SPAG16: variants seen among roughly 807,000 people sequenced by gnomAD.
SPAG16 encodes sperm associated antigen 16.
SPAG16 carries 86 observed loss-of-function variants against 80.4 expected under a neutral mutation model. That is an observed-to-expected ratio of 1.07 (90% CI 0.90 to 1.28). SPAG16 has a LOEUF of 1.28. Ranked by LOEUF, SPAG16 falls within the 50% of genes most tolerant of loss-of-function variation. The probability of loss-of-function intolerance (pLI) is 0.00; values close to 1 mark genes in which losing one functional copy is unlikely to be tolerated. For synonymous variants in SPAG16, 294 were observed against 265.9 expected (o/e 1.11, Z -1.03); for missense variants, 870 against 765.3 (o/e 1.14, Z -1.61).
chr2:213,576,177 C>T (rs538380403), intron 10 of SPAG16, among the ~76,000 whole-genome samples: 31 of 152,010 alleles, frequency 2.0e-4, no homozygotes, highest in African/African-American at 5.3e-4. Context: ...TATTGAATAG[C>T]GAGTCCATTC....
intron 5 of SPAG16, among the ~76,000 whole-genome samples, chr2:213,337,487 A>G (rs1027521566): frequency 1.3e-5 from 2 of 152,212 alleles, no homozygotes; most frequent in African/African-American, 4.8e-5. Flanking sequence ...AAAACATTAC[A>G]GGAGCTGTTT....
chr2:213,592,533 T>C (rs7587811), intron 10 of SPAG16, among the ~76,000 whole-genome samples: 13,218 of 152,280 alleles, frequency 0.087, 1,436 homozygotes, highest in African/African-American at 0.25. Flanking sequence ...CCTGCCCTAC[T>C]GCCTGATATT....
intron 15 of SPAG16, among the ~76,000 whole-genome samples, chr2:214,268,699 T>C (rs1416791831): frequency 1.3e-5 from 2 of 151,772 alleles, no homozygotes; most frequent in Non-Finnish European, 3.0e-5. Context: ...AGAGAAATTA[T>C]GGTATGGCTT....
chr2:213,468,558 TAG>T (rs1306407605), intron 9 of SPAG16, among the ~76,000 whole-genome samples: 2 of 131,036 alleles, frequency 1.5e-5, no homozygotes, highest in Non-Finnish European at 3.0e-5. Context: ...TATTTATATA[TAG>T]AGATATATAT....
chr2:214,083,320 G>T (rs1383429056), intron 13 of SPAG16, among the ~76,000 whole-genome samples: 1 of 152,024 alleles, frequency 6.6e-6, no homozygotes, highest in Non-Finnish European at 1.5e-5. Context: ...AGAACCTGTG[G>T]GTATATGGAT....
At chr2:213,311,699 T>C (rs2126119995) in intron 4 of SPAG16, among the ~76,000 whole-genome samples, 1 of 151,768 alleles carries the variant, frequency 6.6e-6, no homozygotes, top group Non-Finnish European at 1.5e-5. Context: ...TTACATTGTA[T>C]TGAATACCTT....
At chr2:214,137,056 A>G (rs2055092286) in intron 14 of SPAG16, among the ~76,000 whole-genome samples, 1 of 152,158 alleles carries the variant, frequency 6.6e-6, no homozygotes, top group Non-Finnish European at 1.5e-5. Flanking sequence ...ACTGTGTGTG[A>G]TGTTTTGATT....
chr2:214,370,272 GT>G (rs1298732867), intron 15 of SPAG16, among the ~76,000 whole-genome samples: 1 of 152,004 alleles, frequency 6.6e-6, no homozygotes, highest in East Asian at 1.9e-4. Context: ...CAGTAGAGTT[GT>G]TTTTAGAAAA....
chr2:213,789,804 A>C (rs1477278979), intron 10 of SPAG16, among the ~76,000 whole-genome samples: 1 of 151,980 alleles, frequency 6.6e-6, no homozygotes, highest in Non-Finnish European at 1.5e-5. Context: ...TCAAACCCAA[A>C]ATATACTCAC....
chr2:214,022,759 G>A (rs1005681330), intron 13 of SPAG16, among the ~76,000 whole-genome samples: 1 of 151,934 alleles, frequency 6.6e-6, no homozygotes, highest in African/African-American at 2.4e-5. Context: ...TCTAACTCAA[G>A]AACTTGTGTC....
chr2:213,465,770 C>CT (rs2072652469), intron 9 of SPAG16, among the ~76,000 whole-genome samples: 1 of 152,220 alleles, frequency 6.6e-6, no homozygotes, highest in Non-Finnish European at 1.5e-5. Flanking sequence ...CCTTTAGCCA[C>CT]TAAATCAAGT....
At chr2:213,510,701 A>T (rs73988525) in intron 10 of SPAG16, among the ~76,000 whole-genome samples, 1 of 152,124 alleles carries the variant, frequency 6.6e-6, no homozygotes, top group South Asian at 2.1e-4. Flanking sequence ...TACAGGCATA[A>T]TTTTTTAATC....
At chr2:214,363,162 C>A (rs532864672) in intron 15 of SPAG16, among the ~76,000 whole-genome samples, 105 of 151,974 alleles carry the variant, frequency 6.9e-4, no homozygotes, top group Middle Eastern at 3.4e-3. Context: ...TTCTTCTGAA[C>A]ATATATTTCA....
chr2:213,355,433 G>C (rs1374164881), intron 7 of SPAG16, among the ~76,000 whole-genome samples: 1 of 152,178 alleles, frequency 6.6e-6, no homozygotes, highest in African/African-American at 2.4e-5. Context: ...GGAAGGCATT[G>C]AATCTATAAA....
intron 10 of SPAG16, chr2:213,758,192 C>G (rs184362591): frequency 6.5e-6 from 1 of 152,992 alleles, no homozygotes; most frequent in Non-Finnish European, 1.5e-5. Flanking sequence ...TAGCCTACAA[C>G]AGAATCCTCT....
chr2:213,344,160 A>C (rs1256723968), intron 6 of SPAG16, among the ~76,000 whole-genome samples: 1 of 152,130 alleles, frequency 6.6e-6, no homozygotes, highest in African/African-American at 2.4e-5. Flanking sequence ...TTCTTAAAAT[A>C]TCTTTCCCCA....
chr2:213,380,366 C>T (rs1366431652), intron 9 of SPAG16, among the ~76,000 whole-genome samples: 1 of 152,172 alleles, frequency 6.6e-6, no homozygotes, highest in African/African-American at 2.4e-5. Context: ...TCCTCTGTCA[C>T]CTGATCATAG....
chr2:213,932,177 TATATATATATATATATATATATTTGTTG>T (rs2078783917), intron 12 of SPAG16, among the ~76,000 whole-genome samples: 1 of 26,648 alleles, frequency 3.8e-5, no homozygotes, highest in Non-Finnish European at 1.7e-4. Context: ...TATATATATA[TATATATATATATATATATATATTTGTTG>T]TTGTTGTTGT....
intron 10 of SPAG16, among the ~76,000 whole-genome samples, chr2:213,616,642 C>T (rs975196488): frequency 6.6e-6 from 1 of 152,120 alleles, no homozygotes; most frequent in African/African-American, 2.4e-5. Flanking sequence ...GATCTCTGGC[C>T]CAAACTACTG....
Sources: gnomAD v4.1 joint callset for allele counts (sites outside exome capture counted in the v4.1 genomes callset) on GRCh38, gnomAD v4.1.1 for gene constraint, MANE v1.5 for transcripts, NCBI Gene and HGNC (gene_info 2026-07-23, HGNC 2026-07-21) for gene names.